PRR16: variants seen among roughly 807,000 people sequenced by gnomAD.
The protein encoded by PRR16 is proline rich 16.
A neutral mutation model predicts 18.2 loss-of-function variants in PRR16; 6 were observed. That is an observed-to-expected ratio of 0.33 (90% CI 0.18 to 0.65). PRR16 has a LOEUF of 0.65. Among genes scored for constraint, PRR16 ranks in the 30% least tolerant of loss-of-function variants. The pLI is 0.74. For missense variants in PRR16, 412 were observed against 376.6 expected (o/e 1.09, Z -0.78); for synonymous variants, 151 against 147.8 (o/e 1.02, Z -0.16).
the PRR16 span, among the ~76,000 whole-genome samples, chr5:120,756,920 T>G: frequency 6.6e-6 from 1 of 152,186 alleles, no homozygotes; most frequent in East Asian, 1.9e-4. Context: ...AAACCTAAAG[T>G]TTATAGTTTA....
intron 1 of PRR16, among the ~76,000 whole-genome samples, chr5:120,588,725 A>G (rs1184711880): frequency 6.6e-6 from 1 of 152,146 alleles, no homozygotes; most frequent in African/African-American, 2.4e-5. Context: ...TGTAAATTAT[A>G]TGCCTTGGTT....
the PRR16 span, among the ~76,000 whole-genome samples, chr5:120,732,433 T>G: frequency 1.3e-4 from 20 of 152,160 alleles, no homozygotes; most frequent in Non-Finnish European, 7.4e-5. Flanking sequence ...ATATATTGAT[T>G]ATACTATTTT....
the PRR16 span, among the ~76,000 whole-genome samples, chr5:120,702,867 T>C: frequency 6.6e-6 from 1 of 152,070 alleles, no homozygotes; most frequent in African/African-American, 2.4e-5. Context: ...GGACCTGAGG[T>C]TGTAGGTGGA....
intron 1 of PRR16, among the ~76,000 whole-genome samples, chr5:120,657,302 G>T (rs1756015403): frequency 6.6e-6 from 1 of 151,928 alleles, no homozygotes; most frequent in Admixed American, 6.6e-5. Context: ...TAACACCTAA[G>T]TTTCTGATAA....
intron 1 of PRR16, among the ~76,000 whole-genome samples, chr5:120,512,471 G>A (rs901527879): frequency 2.6e-5 from 4 of 152,086 alleles, no homozygotes; most frequent in African/African-American, 9.7e-5. Flanking sequence ...GCTTCTGACC[G>A]TTATTCCCAG....
intron 1 of PRR16, among the ~76,000 whole-genome samples, chr5:120,556,253 G>C (rs7728645): frequency 9.4e-6 from 1 of 106,106 alleles, no homozygotes; most frequent in Admixed American, 9.4e-5. Flanking sequence ...TTTTTTTTTT[G>C]TACCATGCTA....
the PRR16 span, among the ~76,000 whole-genome samples, chr5:120,723,356 A>C: frequency 1.3e-5 from 2 of 151,970 alleles, no homozygotes; most frequent in African/African-American, 2.4e-5. Flanking sequence ...GTAAAACCAC[A>C]TTCATTTCTA....
intron 1 of PRR16, among the ~76,000 whole-genome samples, chr5:120,611,465 G>A (rs188007069): frequency 5.6e-4 from 86 of 152,276 alleles, no homozygotes; most frequent in African/African-American, 1.9e-3. Flanking sequence ...TGTAGGCTGG[G>A]CCCTGGGTCC....
In PRR16 at chr5:120,555,829, TA is replaced by T. The variant is rs367985792; in HGVS notation, c.159+91199del. ...TTTTTTTTTTTTATGTTTGAGTTTCTAAAAAAAAAAAAAAATTTCCCATAAG... is the reference window on the plus strand; with the variant it reads ...TTTTTTTTTTTTATGTTTGAGTTTCTAAAAAAAAAAAAAATTTCCCATAAG... On this transcript the variant is annotated intron_variant, in intron 1 of 1. Transcript: ENST00000407149. Among the ~76,000 whole-genome samples the T allele has an allele frequency of 4.4e-3, 607 of 137,982 alleles. 1 individual carries two copies. Among genetic ancestry groups the T allele is most frequent in the African/African-American group, 0.013 (478 of 37,424 alleles). 90.5% of individuals were successfully genotyped at this position (137,982 alleles called of 152,430 possible).
At chr5:120,586,860 T>G (rs12153712) in intron 1 of PRR16, among the ~76,000 whole-genome samples, 2 of 151,986 alleles carry the variant, frequency 1.3e-5, no homozygotes, top group Admixed American at 6.6e-5. Flanking sequence ...CTGGAAATGA[T>G]TAAACTTAGT....
chr5:120,722,684 T>A, the PRR16 span, among the ~76,000 whole-genome samples: 2 of 152,030 alleles, frequency 1.3e-5, 1 homozygote, highest in Non-Finnish European at 2.9e-5. Context: ...CTGAGCAGTG[T>A]ATCAAGATGG....
At chr5:120,557,028 C>A (rs1752436208) in intron 1 of PRR16, among the ~76,000 whole-genome samples, 1 of 151,538 alleles carries the variant, frequency 6.6e-6, no homozygotes, top group Admixed American at 6.6e-5. Context: ...ATAGAATAGC[C>A]TTTATAGACC....
At chr5:120,562,792 G>C (rs189653917) in intron 1 of PRR16, among the ~76,000 whole-genome samples, 5 of 151,894 alleles carry the variant, frequency 3.3e-5, no homozygotes, top group Admixed American at 2.0e-4. Context: ...CCTTAACTCT[G>C]TTCATCTGCT....
chr5:120,500,197 C>G (rs963142323), intron 1 of PRR16, among the ~76,000 whole-genome samples: 1 of 152,112 alleles, frequency 6.6e-6, no homozygotes, highest in African/African-American at 2.4e-5. Flanking sequence ...AGTTTTCTGT[C>G]TTGCTAGACT....
intron 1 of PRR16, among the ~76,000 whole-genome samples, chr5:120,587,408 G>A (rs928792243): frequency 1.3e-5 from 2 of 152,168 alleles, no homozygotes; most frequent in South Asian, 2.1e-4. Flanking sequence ...AGAAGTCAGT[G>A]CCTGGATTCA....
At chr5:120,501,255 A>G (rs1561519456) in intron 1 of PRR16, among the ~76,000 whole-genome samples, 1 of 152,238 alleles carries the variant, frequency 6.6e-6, no homozygotes, top group Admixed American at 6.5e-5. Context: ...ACACAAATTA[A>G]TTGGAGAATT....
the PRR16 span, among the ~76,000 whole-genome samples, chr5:120,734,290 A>C: frequency 6.6e-6 from 1 of 152,130 alleles, no homozygotes; most frequent in Non-Finnish European, 1.5e-5. Context: ...AGGAGGGAAG[A>C]GGGAGCAGGA....
At chr5:120,520,538 A>G (rs1323547701) in intron 1 of PRR16, among the ~76,000 whole-genome samples, 1 of 152,234 alleles carries the variant, frequency 6.6e-6, no homozygotes, top group African/African-American at 2.4e-5. Flanking sequence ...AGGGTGAGAG[A>G]AACTCTTTAT....
At chr5:120,771,304 A>G in the PRR16 span, among the ~76,000 whole-genome samples, 3 of 152,098 alleles carry the variant, frequency 2.0e-5, no homozygotes, top group South Asian at 4.1e-4. Context: ...AATGAGCACT[A>G]ATACTCAAAA....
Sources: allele counts gnomAD v4.1 joint callset (sites outside exome capture counted in the v4.1 genomes callset), GRCh38; gene constraint gnomAD v4.1.1; transcripts MANE v1.5; gene names NCBI Gene and HGNC (gene_info 2026-07-23, HGNC 2026-07-21).